TRPC6: variants seen among roughly 807,000 people sequenced by gnomAD.
TRPC6 encodes short transient receptor potential channel 6.
A neutral mutation model predicts 90.7 loss-of-function variants in TRPC6; 55 were observed. That is an observed-to-expected ratio of 0.61 (90% CI 0.49 to 0.76). The LOEUF (loss-of-function observed/expected upper bound fraction) is 0.76. Among genes scored for constraint, TRPC6 ranks in the 30% least tolerant of loss-of-function variants. The probability of loss-of-function intolerance (pLI) is 0.00; values close to 1 mark genes in which losing one functional copy is unlikely to be tolerated. For missense variants in TRPC6, 989 were observed against 1,122.7 expected (o/e 0.88, Z 1.70); for synonymous variants, 393 against 393.0 (o/e 1.00, Z 0.00).
chr11:101,567,077 G>T (rs535711162), intron 1 of TRPC6, among the ~76,000 whole-genome samples: 2 of 148,634 alleles, frequency 1.3e-5, no homozygotes, highest in Non-Finnish European at 1.5e-5. Context: ...GGGGTGGGGG[G>T]GGTCCAACCC....
rs569913951 is a variant in TRPC6, at chr11:101,522,851, C to T, written c.171-18053G>A. On this transcript the variant is annotated intron_variant, in intron 1 of 12. Coordinates refer to ENST00000344327, the MANE Select transcript of TRPC6 (RefSeq NM_004621.6). ...AGGCATAGCTTCAGTGCCAGCATTA[C>T]AATAGAATTATTTGAGAAAATCCAT... Among the ~76,000 whole-genome samples, 4 of 152,224 alleles carry T rather than the reference C, an allele frequency of 2.6e-5. No homozygotes were observed. In the South Asian group the frequency reaches 8.3e-4, roughly 32 times the overall value.
chr11:101,471,412 G>A (rs1206415506), intron 8 of TRPC6, 26 bp from the exon 9 acceptor site: 1 of 1,609,112 alleles, frequency 6.2e-7, no homozygotes, highest in Non-Finnish European at 8.5e-7. Context: ...TGACAGTTCA[G>A]CAAGGAAATG....
intron 2 of TRPC6, among the ~76,000 whole-genome samples, chr11:101,492,085 C>T (rs920623276): frequency 1.3e-5 from 2 of 151,928 alleles, no homozygotes; most frequent in East Asian, 3.9e-4. Context: ...ATGATCCGCC[C>T]GCCTCGGCCT....
At chr11:101,462,974 A>G (rs952155247) in intron 10 of TRPC6, among the ~76,000 whole-genome samples, 1 of 152,154 alleles carries the variant, frequency 6.6e-6, no homozygotes, top group Non-Finnish European at 1.5e-5. Flanking sequence ...TTATTTTAAG[A>G]TACGTCCCAT....
rs1234217519 is a variant in TRPC6, at chr11:101,583,342, G to A, written c.162C>T (p.Tyr54=). 5 of 1,589,242 alleles carry A rather than the reference G, an allele frequency of 3.1e-6. No individual in the cohort carries two copies. In the African/African-American group the frequency reaches 5.4e-5, roughly 17 times the overall value. ...PQAPLPCYGY[Y]PCFRGSDNRL... ...GCGTCGCCGGCACTCACAAGCAGGGGTAGTAGCCGTAGCAAGGCAGCGGGG... is the reference window on the plus strand; with the variant it reads ...GCGTCGCCGGCACTCACAAGCAGGGATAGTAGCCGTAGCAAGGCAGCGGGG... The change falls in exon 1 of 13, where the codon TAC becomes TAT. Residue 54 remains tyrosine (Y), a synonymous_variant. Transcript: ENST00000344327.
intron 2 of TRPC6, among the ~76,000 whole-genome samples, chr11:101,493,825 T>C (rs1251191320): frequency 1.3e-5 from 2 of 152,102 alleles, no homozygotes; most frequent in South Asian, 2.1e-4. Context: ...AGGCCATATG[T>C]GGGGGGTGTC....
chr11:101,479,445 T>C (rs12362157), intron 5 of TRPC6, among the ~76,000 whole-genome samples: 43,884 of 152,082 alleles, frequency 0.29, 7,896 homozygotes, highest in African/African-American at 0.51. Context: ...TGTCAACATC[T>C]CCTAACACAT....
intron 1 of TRPC6, among the ~76,000 whole-genome samples, chr11:101,545,920 T>C (rs979775749): frequency 1.2e-4 from 19 of 152,088 alleles, no homozygotes; most frequent in African/African-American, 4.6e-4. Flanking sequence ...GGCCCTTCAT[T>C]TATTTGCTTG....
chr11:101,528,162 T>C (rs1860825255), intron 1 of TRPC6, among the ~76,000 whole-genome samples: 1 of 152,204 alleles, frequency 6.6e-6, no homozygotes, highest in African/African-American at 2.4e-5. Context: ...TAAATAAATC[T>C]ATGTTAAATT....
At chr11:101,470,603 C>T (rs1859265081) in intron 9 of TRPC6, among the ~76,000 whole-genome samples, 2 of 152,152 alleles carry the variant, frequency 1.3e-5, no homozygotes, top group Non-Finnish European at 2.9e-5. Flanking sequence ...CTGTGATCGC[C>T]CTACTGCCTC....
chr11:101,572,808 G>A (rs1861992236), intron 1 of TRPC6, among the ~76,000 whole-genome samples: 1 of 151,998 alleles, frequency 6.6e-6, no homozygotes, highest in African/African-American at 2.4e-5. Flanking sequence ...AGATTAATAA[G>A]GAGAACATAT....
chr11:101,561,084 T>C (rs1861701295), intron 1 of TRPC6, among the ~76,000 whole-genome samples: 2 of 127,554 alleles, frequency 1.6e-5, no homozygotes, highest in African/African-American at 6.1e-5. Context: ...TCTTAAATTA[T>C]ATTCACAATG....
At chr11:101,498,686 T>C (rs1206953618) in intron 2 of TRPC6, among the ~76,000 whole-genome samples, 1 of 152,192 alleles carries the variant, frequency 6.6e-6, no homozygotes, top group African/African-American at 2.4e-5. Flanking sequence ...TTCTCTGTCA[T>C]AAAATAGATT....
At chr11:101,543,460 G>C (rs1454345936) in intron 1 of TRPC6, among the ~76,000 whole-genome samples, 1 of 152,108 alleles carries the variant, frequency 6.6e-6, no homozygotes, top group East Asian at 1.9e-4. Context: ...CATGCTACCT[G>C]ACTTCAAACT....
At chr11:101,548,263 A>ATATATATATATATATATATAATT (rs1477283991) in intron 1 of TRPC6, among the ~76,000 whole-genome samples, 64 of 82,764 alleles carry the variant, frequency 7.7e-4, no homozygotes, top group African/African-American at 2.9e-3. Context: ...ATATATATAC[A>ATATATATATATATATATATAATT]TATATATATA....
chr11:101,557,233 T>C (rs1215428662), intron 1 of TRPC6, among the ~76,000 whole-genome samples: 1 of 152,052 alleles, frequency 6.6e-6, no homozygotes, highest in Non-Finnish European at 1.5e-5. Flanking sequence ...CACATGCCTG[T>C]AATCCCAGCT....
intron 10 of TRPC6, among the ~76,000 whole-genome samples, chr11:101,460,199 G>A (rs1858974598): frequency 6.6e-6 from 1 of 152,142 alleles, no homozygotes; most frequent in Non-Finnish European, 1.5e-5. Flanking sequence ...GTAGTCAACT[G>A]TATATTATAT....
intron 1 of TRPC6, among the ~76,000 whole-genome samples, chr11:101,554,102 G>A (rs929107321): frequency 1.3e-5 from 2 of 152,228 alleles, no homozygotes; most frequent in South Asian, 2.1e-4. Flanking sequence ...TAAAGAACAC[G>A]TGGTCAGATG....
chr11:101,560,862 G>A (rs920184691), intron 1 of TRPC6, among the ~76,000 whole-genome samples: 2 of 152,070 alleles, frequency 1.3e-5, no homozygotes, highest in African/African-American at 4.8e-5. Flanking sequence ...ACAAAGATGG[G>A]GAAGAAGGTA....
Sources: gnomAD v4.1 joint callset for allele counts (sites outside exome capture counted in the v4.1 genomes callset) on GRCh38, gnomAD v4.1.1 for gene constraint, MANE v1.5 for transcripts, NCBI Gene and HGNC (gene_info 2026-07-23, HGNC 2026-07-21) for gene names.